The following TSPAN5 variants were observed in gnomAD, a reference collection of about 807,000 sequenced individuals.
The protein encoded by TSPAN5 is tetraspanin 5, also known as tetraspanin-5.
In TSPAN5, 10 loss-of-function variants were observed where a neutral mutation model predicts 37.1. The ratio of observed to expected loss-of-function variants is 0.27; its 90% CI spans 0.17 to 0.46. The LOEUF is 0.46. Ranked by LOEUF, TSPAN5 falls within the 20% of genes least tolerant of loss-of-function variation. The pLI is 1.00. For synonymous variants in TSPAN5, 110 were observed against 118.9 expected (o/e 0.93, Z 0.48); for missense variants, 195 against 326.6 (o/e 0.60, Z 3.11).
chr4:98,601,539 T>C (rs1369181849), intron 1 of TSPAN5, among the ~76,000 whole-genome samples: 1 of 152,230 alleles, frequency 6.6e-6, no homozygotes, highest in Admixed American at 6.5e-5. Context: ...TTTTCTTCTG[T>C]AGTTTTTTTC....
intron 1 of TSPAN5, among the ~76,000 whole-genome samples, chr4:98,633,314 C>G (rs1756787942): frequency 6.6e-6 from 1 of 152,184 alleles, no homozygotes; most frequent in Admixed American, 6.5e-5. Context: ...TTTTCCCTCA[C>G]CCACAAATCA....
In TSPAN5 at chr4:98,546,452, T is replaced by C. The variant is rs1754472565; in HGVS notation, c.82-38724A>G. On this transcript the variant is annotated intron_variant, in intron 1 of 7. Transcript: ENST00000305798. The stretch of plus-strand genomic sequence containing the variant: ...TGAGCCATGAAAATGATTTAATGAG[T>C]GAAGACCAGCAGTATTCCCCGACAG... Among the ~76,000 whole-genome samples the C allele has an allele frequency of 6.6e-5, 10 of 152,240 alleles. No individual in the cohort carries two copies. In the South Asian group the frequency reaches 2.1e-3, roughly 32 times the overall value.
intron 1 of TSPAN5, among the ~76,000 whole-genome samples, chr4:98,642,488 C>T (rs2110279409): frequency 6.6e-6 from 1 of 152,206 alleles, no homozygotes; most frequent in African/African-American, 2.4e-5. Context: ...AACTTTAAAA[C>T]AAGTTTCATT....
At chr4:98,532,510 G>A (rs1354511185) in intron 1 of TSPAN5, among the ~76,000 whole-genome samples, 1 of 152,152 alleles carries the variant, frequency 6.6e-6, no homozygotes, top group Non-Finnish European at 1.5e-5. Context: ...TTGGTGTATA[G>A]CAATGCTTGT....
chr4:98,529,406 T>G (rs1278539467), intron 1 of TSPAN5, among the ~76,000 whole-genome samples: 1 of 152,236 alleles, frequency 6.6e-6, no homozygotes, highest in African/African-American at 2.4e-5. Flanking sequence ...GAAGTGGGCA[T>G]TGAGTTTAAA....
intron 1 of TSPAN5, among the ~76,000 whole-genome samples, chr4:98,549,517 T>C (rs1482175796): frequency 4.6e-5 from 7 of 152,128 alleles, no homozygotes; most frequent in Non-Finnish European, 1.0e-4. Flanking sequence ...GCCAGACTGG[T>C]CTCAAACTCC....
At chr4:98,503,223 G>C (rs1481615595) in intron 2 of TSPAN5, among the ~76,000 whole-genome samples, 1 of 152,056 alleles carries the variant, frequency 6.6e-6, no homozygotes, top group African/African-American at 2.4e-5. Flanking sequence ...TCAGTGAGCT[G>C]CAGACACCGT....
At chr4:98,478,860 T>C (rs1333175274) in intron 4 of TSPAN5, 50 bp from the exon 5 acceptor site, 24 of 1,598,866 alleles carry the variant, frequency 1.5e-5, no homozygotes, top group Non-Finnish European at 2.0e-5. Context: ...AGGCAAGCAG[T>C]CACCTACACT....
chr4:98,533,939 TAAAAAAAA>T (rs1194318640), intron 1 of TSPAN5, among the ~76,000 whole-genome samples: 21 of 31,148 alleles, frequency 6.7e-4, no homozygotes, highest in Non-Finnish European at 9.0e-4. Context: ...TTGTTGATCT[TAAAAAAAA>T]AAAAAAAAAA....
At chr4:98,600,078 T>C (rs897896260) in intron 1 of TSPAN5, among the ~76,000 whole-genome samples, 3 of 152,198 alleles carry the variant, frequency 2.0e-5, no homozygotes, top group Non-Finnish European at 2.9e-5. Flanking sequence ...ATAAAAGTTA[T>C]ATTTATACTA....
intron 1 of TSPAN5, among the ~76,000 whole-genome samples, chr4:98,623,424 T>C (rs1756525872): frequency 6.6e-6 from 1 of 152,200 alleles, no homozygotes; most frequent in Non-Finnish European, 1.5e-5. Context: ...GGTATTTAAT[T>C]AGAGTCCAAT....
chr4:98,527,786 G>A (rs1168093817), intron 1 of TSPAN5, among the ~76,000 whole-genome samples: 1 of 152,152 alleles, frequency 6.6e-6, no homozygotes, highest in African/African-American at 2.4e-5. Context: ...TAAAAGCCCG[G>A]ATGTCATCAC....
intron 1 of TSPAN5, among the ~76,000 whole-genome samples, chr4:98,616,813 G>A (rs1273372453): frequency 6.6e-6 from 1 of 151,224 alleles, no homozygotes; most frequent in African/African-American, 2.4e-5. Flanking sequence ...ATAAAATAAC[G>A]ATACACTCCA....
chr4:98,614,403 T>C (rs1028188533), intron 1 of TSPAN5, among the ~76,000 whole-genome samples: 1 of 152,024 alleles, frequency 6.6e-6, no homozygotes, highest in African/African-American at 2.4e-5. Flanking sequence ...CTGACAGAAA[T>C]GGAGCCAGGC....
intron 1 of TSPAN5, among the ~76,000 whole-genome samples, chr4:98,601,057 G>C (rs1227872569): frequency 6.6e-6 from 1 of 152,192 alleles, no homozygotes; most frequent in Non-Finnish European, 1.5e-5. Flanking sequence ...ATTTTGGAAA[G>C]GATCTTTTTT....
intron 1 of TSPAN5, among the ~76,000 whole-genome samples, chr4:98,616,689 G>A (rs1243093232): frequency 2.6e-5 from 4 of 151,842 alleles, no homozygotes; most frequent in Non-Finnish European, 5.9e-5. Context: ...TCTATAATTC[G>A]ACACCATGCT....
At chr4:98,576,629 T>C (rs1455764292) in intron 1 of TSPAN5, among the ~76,000 whole-genome samples, 1 of 151,702 alleles carries the variant, frequency 6.6e-6, no homozygotes, top group Non-Finnish European at 1.5e-5. Flanking sequence ...GGATGGAGGG[T>C]CACTTGGGCC....
chr4:98,482,561 T>C (rs1248861425), intron 3 of TSPAN5: 2 of 163,832 alleles, frequency 1.2e-5, no homozygotes, highest in East Asian at 1.8e-4. Context: ...ACTTGAAAGA[T>C]AGATTATTCC....
intron 1 of TSPAN5, among the ~76,000 whole-genome samples, chr4:98,552,412 A>G (rs1165610448): frequency 6.6e-6 from 1 of 152,152 alleles, no homozygotes; most frequent in Non-Finnish European, 1.5e-5. Context: ...CATTCAAGGA[A>G]TTATGCTTCA....
Sources: gnomAD v4.1 joint callset for allele counts (sites outside exome capture counted in the v4.1 genomes callset) on GRCh38, gnomAD v4.1.1 for gene constraint, MANE v1.5 for transcripts, NCBI Gene and HGNC (gene_info 2026-07-23, HGNC 2026-07-21) for gene names.